The following PTPRQ variants were observed in gnomAD, a reference collection of about 807,000 sequenced individuals.
The protein encoded by PTPRQ is phosphatidylinositol phosphatase PTPRQ.
PTPRQ carries 199 observed loss-of-function variants against 246.0 expected under a neutral mutation model. The observed-to-expected ratio is 0.81, with a 90% CI of 0.72 to 0.91. PTPRQ has a LOEUF of 0.91. PTPRQ is among the 40% of genes least tolerant of loss of function. The pLI is 0.00. For synonymous variants in PTPRQ, 869 were observed against 853.2 expected (o/e 1.02, Z -0.32); for missense variants, 2,624 against 2,528.4 (o/e 1.04, Z -0.81).
chr12:80,673,069 A>G, intron 42 of PTPRQ, 100 bp from the exon 43 acceptor site: 1 of 1,440,978 alleles, frequency 6.9e-7, no homozygotes, highest in Non-Finnish European at 9.2e-7. Flanking sequence ...AAGAGAAGAA[A>G]CTATTAGAAT....
At chr12:80,632,111 A>C in intron 33 of PTPRQ, 81 bp from the exon 34 acceptor site, 1 of 1,482,208 alleles carries the variant, frequency 6.7e-7, no homozygotes, top group Non-Finnish European at 9.1e-7. Context: ...TCTTATGCCA[A>C]GATAATATTT....
At chr12:80,450,640 C>A (rs7964038) in intron 3 of PTPRQ, among the ~76,000 whole-genome samples, 1 of 151,820 alleles carries the variant, frequency 6.6e-6, no homozygotes, top group South Asian at 2.1e-4. Flanking sequence ...GATAATCATG[C>A]GGTTTTTGTC....
At chr12:80,449,890 T>C (rs1427514740) in intron 3 of PTPRQ, among the ~76,000 whole-genome samples, 1 of 152,142 alleles carries the variant, frequency 6.6e-6, no homozygotes, top group Non-Finnish European at 1.5e-5. Context: ...AACTTTAAAG[T>C]AGTTTTTTCC....
chr12:80,528,496 C>A (rs928050105), intron 17 of PTPRQ, among the ~76,000 whole-genome samples: 2 of 151,960 alleles, frequency 1.3e-5, no homozygotes, highest in Non-Finnish European at 2.9e-5. Context: ...TCTAATCTCA[C>A]TAATCTTTGA....
chr12:80,615,644 T>A (rs1341081232), intron 29 of PTPRQ, among the ~76,000 whole-genome samples: 1 of 150,958 alleles, frequency 6.6e-6, no homozygotes, highest in African/African-American at 2.4e-5. Context: ...AAGAAGGGCA[T>A]AAAGGCCATC....
At chr12:80,549,218 C>G (rs568774585) in intron 24 of PTPRQ, among the ~76,000 whole-genome samples, 1 of 152,196 alleles carries the variant, frequency 6.6e-6, no homozygotes, top group South Asian at 2.1e-4. Flanking sequence ...GTGATTGGTG[C>G]TTCGAACTGG....
At chr12:80,559,346 T>C (rs981600110) in intron 25 of PTPRQ, among the ~76,000 whole-genome samples, 3 of 152,192 alleles carry the variant, frequency 2.0e-5, no homozygotes, top group Non-Finnish European at 4.4e-5. Context: ...GCCCGGCCTG[T>C]AGTGTGCCTT....
chr12:80,526,460 T>C (rs1460339715), intron 17 of PTPRQ, among the ~76,000 whole-genome samples: 1 of 152,102 alleles, frequency 6.6e-6, no homozygotes, highest in Non-Finnish European at 1.5e-5. Context: ...AAAAAATATA[T>C]ATAGTAAGGT....
At position 80,469,538 on chromosome 12, in the gene PTPRQ, G is replaced by A. The variant is rs116174385; in HGVS notation, c.1039+700G>A. The stretch of plus-strand genomic sequence containing the variant: ...ATGAAAGAAGTTTAATTCTAACAAT[G>A]ATGAGATAAATAATAAAGCCACATA... On this transcript the variant is annotated intron_variant, in intron 7 of 44. Transcript: ENST00000644991. Among the ~76,000 whole-genome samples, 924 of 152,218 alleles carry A rather than the reference G, an allele frequency of 6.1e-3. 12 individuals are homozygous for A. The highest frequency in any genetic ancestry group is 0.021 in the African/African-American group (859 of 41,536).
intron 4 of PTPRQ, 109 bp downstream of exon 4, chr12:80,457,753 G>A: frequency 2.5e-6 from 1 of 395,330 alleles, no homozygotes; most frequent in Non-Finnish European, 4.5e-6. Flanking sequence ...ATTCTCAGTA[G>A]CATGGCCACT....
intron 25 of PTPRQ, among the ~76,000 whole-genome samples, chr12:80,568,072 A>G (rs1216294436): frequency 6.6e-6 from 1 of 152,222 alleles, no homozygotes; most frequent in Non-Finnish European, 1.5e-5. Context: ...TAGGACTAAA[A>G]AATGATTATA....
intron 35 of PTPRQ, among the ~76,000 whole-genome samples, chr12:80,646,744 T>C (rs1367414471): frequency 6.6e-6 from 1 of 151,822 alleles, no homozygotes; most frequent in African/African-American, 2.4e-5. Context: ...TACGATGATG[T>C]ATTTCTGCGA....
intron 17 of PTPRQ, among the ~76,000 whole-genome samples, chr12:80,525,361 T>C (rs1895650114): frequency 6.6e-6 from 1 of 152,182 alleles, no homozygotes; most frequent in African/African-American, 2.4e-5. Context: ...GTCCTGATAA[T>C]GTTATCAGGT....
chr12:80,453,348 A>C (rs1482143958), intron 3 of PTPRQ, among the ~76,000 whole-genome samples: 1 of 152,164 alleles, frequency 6.6e-6, no homozygotes, highest in Non-Finnish European at 1.5e-5. Flanking sequence ...GATCGTCCGA[A>C]GCCTTCTTCT....
intron 27 of PTPRQ, among the ~76,000 whole-genome samples, chr12:80,609,516 C>G (rs1226074878): frequency 6.7e-6 from 1 of 150,368 alleles, no homozygotes; most frequent in African/African-American, 2.4e-5. Flanking sequence ...TGGGAAAAGC[C>G]CTTCTACTTA....
chr12:80,635,465 A>G (rs944323232), intron 35 of PTPRQ, among the ~76,000 whole-genome samples: 2 of 152,120 alleles, frequency 1.3e-5, no homozygotes, highest in Non-Finnish European at 2.9e-5. Flanking sequence ...ACTTGATATT[A>G]TTTATATCCA....
chr12:80,510,562 C>A (rs1895096269), intron 17 of PTPRQ, 119 bp downstream of exon 17: 1 of 1,018,656 alleles, frequency 9.8e-7, no homozygotes, highest in Non-Finnish European at 1.3e-6. Flanking sequence ...TATTAATAGG[C>A]TAGTTAATAT....
intron 37 of PTPRQ, among the ~76,000 whole-genome samples, 193 bp downstream of exon 37, chr12:80,649,862 A>G (rs1900199155): frequency 6.6e-6 from 1 of 152,070 alleles, no homozygotes; most frequent in Non-Finnish European, 1.5e-5. Flanking sequence ...AGAATTATTC[A>G]CCTACTGTGT....
chr12:80,636,664 T>G (rs1052886173), intron 35 of PTPRQ, among the ~76,000 whole-genome samples: 3 of 152,218 alleles, frequency 2.0e-5, no homozygotes, highest in Admixed American at 6.5e-5. Context: ...CATACTAAAA[T>G]GTAAACTTCT....
Sources: allele counts gnomAD v4.1 joint callset (sites outside exome capture counted in the v4.1 genomes callset), GRCh38; gene constraint gnomAD v4.1.1; transcripts MANE v1.5; gene names NCBI Gene and HGNC (gene_info 2026-07-23, HGNC 2026-07-21).